The following TNRC18 variants were observed in gnomAD, a reference collection of about 807,000 sequenced individuals.
TNRC18 encodes trinucleotide repeat-containing gene 18 protein.
A neutral mutation model predicts 226.7 loss-of-function variants in TNRC18; 69 were observed. The observed-to-expected ratio is 0.30, with a 90% CI of 0.25 to 0.37. The LOEUF (loss-of-function observed/expected upper bound fraction) is 0.37. Ranked by LOEUF, TNRC18 falls within the 10% of genes least tolerant of loss-of-function variation. The pLI is 1.00. For missense variants in TNRC18, 4,754 were observed against 4,256.6 expected (o/e 1.12, Z -3.25); for synonymous variants, 2,449 against 1,927.6 (o/e 1.27, Z -7.09).
intron 19 of TNRC18, among the ~76,000 whole-genome samples, chr7:5,328,171 T>C (rs1432350407): frequency 1.3e-5 from 2 of 151,620 alleles, no homozygotes; most frequent in Non-Finnish European, 2.9e-5. Context: ...TGAGCTGAGG[T>C]TGCACCACTG....
intron 2 of TNRC18, among the ~76,000 whole-genome samples, chr7:5,405,630 C>G (rs1781413030): frequency 6.6e-6 from 1 of 152,056 alleles, no homozygotes; most frequent in Admixed American, 6.6e-5. Flanking sequence ...GTAGTCCCAG[C>G]TACGCGGGAG....
chr7:5,350,013 G>A (rs1211151473), intron 17 of TNRC18, among the ~76,000 whole-genome samples: 2 of 152,188 alleles, frequency 1.3e-5, no homozygotes, highest in African/African-American at 4.8e-5. Context: ...AAGAGGCCTA[G>A]GGCGCTGCCT....
At chr7:5,390,666 C>T (rs756113988) in intron 3 of TNRC18, 38 bp from the exon 4 acceptor site, 13 of 1,471,746 alleles carry the variant, frequency 8.8e-6, no homozygotes, top group African/African-American at 7.1e-5. Context: ...TGGGCCAATT[C>T]GTGCTGCTCA....
In TNRC18 at chr7:5,324,484, A is replaced by G; in HGVS notation, c.6301-129T>C. On this transcript the variant is annotated intron_variant, in intron 20 of 29. Coordinates refer to ENST00000430969, the MANE Select transcript of TNRC18 (RefSeq NM_001080495.3). The surrounding 1 kb of genome is among the most constrained non-coding windows in gnomAD (Gnocchi z 4.8). ...GGAATCTGTCATGTGCATGGCAGGGATCCCAGTTAGGGGCACCCCAGAGGC... is the reference window on the plus strand; with the variant it reads ...GGAATCTGTCATGTGCATGGCAGGGGTCCCAGTTAGGGGCACCCCAGAGGC... 7.5e-7 allele frequency: 1 copy of G among 1,334,402 alleles called. No individual in the cohort carries two copies. 82.7% of individuals were successfully genotyped at this position (1,334,402 alleles called of 1,614,324 possible).
chr7:5,361,071 C>G (rs1489681872), intron 14 of TNRC18, among the ~76,000 whole-genome samples: 1 of 152,198 alleles, frequency 6.6e-6, no homozygotes, highest in Non-Finnish European at 1.5e-5. Flanking sequence ...AGCTCTCATT[C>G]CAGCTGGCGT....
chr7:5,315,998 G>C lies in TNRC18; in HGVS notation c.6820C>G (p.Leu2274Val). The change falls in exon 25 of 30, where the codon CTC becomes GTC. Residue 2274 changes from leucine (L) to valine (V), a missense_variant. Transcript: ENST00000430969. ...FDDGDTGRIP[L>V]SHIRLLPPDY... Reference sequence around the variant, plus strand: ...GGGGGCAGGAGGCGGATATGTGAGAGGGGGATCCTGCCCGTGTCTCCGTCG... The same window carrying C: ...GGGGGCAGGAGGCGGATATGTGAGACGGGGATCCTGCCCGTGTCTCCGTCG... The C allele has an allele frequency of 6.2e-7, 1 of 1,603,490 alleles. No homozygotes were observed. The highest frequency in any genetic ancestry group is 8.5e-7 in the Non-Finnish European group (1 of 1,175,236).
intron 11 of TNRC18, among the ~76,000 whole-genome samples, chr7:5,369,986 G>A (rs574504320): frequency 2.6e-5 from 4 of 152,046 alleles, no homozygotes; most frequent in East Asian, 1.9e-4. Context: ...ACCATATTCC[G>A]GGTTTTTCAT....
intron 19 of TNRC18, among the ~76,000 whole-genome samples, chr7:5,328,923 G>A (rs1250782343): frequency 1.3e-5 from 2 of 152,180 alleles, no homozygotes; most frequent in Non-Finnish European, 2.9e-5. Flanking sequence ...TTGGAAATTT[G>A]AGGCTGCAGT....
At chr7:5,382,913 GT>G (rs199566918) in intron 5 of TNRC18, among the ~76,000 whole-genome samples, 48 of 152,146 alleles carry the variant, frequency 3.2e-4, no homozygotes, top group African/African-American at 9.4e-4. Flanking sequence ...TATTTTTGGG[GT>G]GGGGGCAGGA....
chr7:5,369,414 T>C (rs775419374), intron 11 of TNRC18, among the ~76,000 whole-genome samples: 2 of 152,102 alleles, frequency 1.3e-5, no homozygotes, highest in Non-Finnish European at 2.9e-5. Context: ...AATCTCAGTG[T>C]TTTTGCCAAA....
At chr7:5,321,225 CG>C (rs1277272511) in intron 21 of TNRC18, 35 bp from the exon 22 acceptor site, 5 of 1,468,200 alleles carry the variant, frequency 3.4e-6, no homozygotes, top group East Asian at 2.5e-5. Flanking sequence ...AGGCTGGAGC[CG>C]GGGGCGTCTG....
chr7:5,347,500 C>T (rs112666765), intron 17 of TNRC18, among the ~76,000 whole-genome samples: 2,129 of 151,380 alleles, frequency 0.014, 51 homozygotes, highest in African/African-American at 0.049. Context: ...CCAGCCCCCC[C>T]GCAAAAATTT....
At chr7:5,350,487 C>A (rs1464132266) in intron 17 of TNRC18, among the ~76,000 whole-genome samples, 2 of 152,104 alleles carry the variant, frequency 1.3e-5, no homozygotes, top group African/African-American at 4.8e-5. Flanking sequence ...CCAGGTCAGA[C>A]CCAGGGACAC....
At chr7:5,364,804 GAAAAAAAAAA>G (rs778909525) in intron 11 of TNRC18, among the ~76,000 whole-genome samples, 10 of 88,216 alleles carry the variant, frequency 1.1e-4, no homozygotes, top group African/African-American at 4.6e-4. Flanking sequence ...GCTGTCTCAG[GAAAAAAAAAA>G]AAAAAAAAAA....
At chr7:5,323,928 G>C (rs1335642994) in intron 21 of TNRC18, among the ~76,000 whole-genome samples, 4 of 152,174 alleles carry the variant, frequency 2.6e-5, no homozygotes, top group Non-Finnish European at 5.9e-5. Flanking sequence ...ACCTCAGAAA[G>C]CTTCGCATTT....
At chr7:5,365,718 T>G (rs554080282) in intron 11 of TNRC18, among the ~76,000 whole-genome samples, 11 of 152,114 alleles carry the variant, frequency 7.2e-5, no homozygotes, top group African/African-American at 2.7e-4. Context: ...CCTCCCAAAG[T>G]ACTGGGATTG....
chr7:5,359,838 C>A (rs1792846118), intron 14 of TNRC18, among the ~76,000 whole-genome samples: 1 of 152,200 alleles, frequency 6.6e-6, no homozygotes, highest in African/African-American at 2.4e-5. Context: ...CACACACACA[C>A]ACACACATCT....
At chr7:5,365,501 G>A (rs1387894757) in intron 11 of TNRC18, among the ~76,000 whole-genome samples, 2 of 152,138 alleles carry the variant, frequency 1.3e-5, no homozygotes, top group Non-Finnish European at 2.9e-5. Flanking sequence ...ATATGACCAG[G>A]TGTGTGCAGT....
Position 5,351,890 on chromosome 7 carries a change from A to G in TNRC18, c.5399T>C (p.Phe1800Ser). 1 of 1,613,630 alleles carries G rather than the reference A, an allele frequency of 6.2e-7. No individual in the cohort carries two copies. Among genetic ancestry groups the G allele is most frequent in the East Asian group, 2.2e-5 (1 of 44,876 alleles). ...PKPATSRKQP[F>S]CLLLREAEAR... is the part of the protein sequence containing the mutation. The stretch of plus-strand genomic sequence containing the variant: ...CTCGGCCTCTCGAAGCAGCAGACAA[A>G]ACGGCTGCTTCCTGCTGGTGGCCGG... Residue 1800 changes from phenylalanine (F) to serine (S), a missense_variant, in exon 17 of 30, where the codon TTT becomes TCT. Coordinates refer to ENST00000430969, the MANE Select transcript of TNRC18 (RefSeq NM_001080495.3).
Sources: gnomAD v4.1 joint callset for allele counts (sites outside exome capture counted in the v4.1 genomes callset) on GRCh38, gnomAD v4.1.1 for gene constraint, Gnocchi (gnomAD v3.1) non-coding constraint, MANE v1.5 for transcripts, NCBI Gene and HGNC (gene_info 2026-07-23, HGNC 2026-07-21) for gene names.